Variants in IGFLR1 observed in about 807,000 individuals in gnomAD.
IGFLR1 encodes IGF-like family receptor 1.
IGFLR1 carries 17 observed loss-of-function variants against 23.4 expected under a neutral mutation model. That is an observed-to-expected ratio of 0.73 (90% CI 0.50 to 1.09). IGFLR1 has a LOEUF of 1.09. IGFLR1 is among the 50% of genes least tolerant of loss of function. IGFLR1 has a pLI of 0.00. For synonymous variants in IGFLR1, 265 were observed against 210.7 expected (o/e 1.26, Z -2.23); for missense variants, 556 against 459.2 (o/e 1.21, Z -1.93).
Position 35,742,417 on chromosome 19 carries a change from G to A in IGFLR1, c.-65C>T. 2.0e-6 allele frequency: 3 copies of A among 1,533,908 alleles called. No individual in the cohort carries two copies. Among genetic ancestry groups the A allele is most frequent in the African/African-American group, 1.4e-5 (1 of 73,148 alleles). The stretch of plus-strand genomic sequence containing the variant: ...GTACCGTTAGGGTCCTGGGTCCCAA[G>A]CTGGCCGTGCCAAGTTCCTCAGCTG... On this transcript the variant is annotated 5_prime_UTR_variant, in exon 1 of 5. Transcript: ENST00000246532.
At position 35,739,496 on chromosome 19, in the gene IGFLR1, G is replaced by T. The variant is rs766359788; in HGVS notation, c.852C>A (p.His284Gln). 8.7e-6 allele frequency: 14 copies of T among 1,614,012 alleles called. No homozygotes were observed. Among genetic ancestry groups the T allele is most frequent in the Non-Finnish European group, 8.5e-6 (10 of 1,180,010 alleles). ...GGGMAHGTTR[H>Q]LAARYGLPAA... The stretch of plus-strand genomic sequence containing the variant: ...CAGGCAGCCCATATCTTGCGGCCAG[G>T]TGTCGAGTAGTGCCATGGGCCATAC... Residue 284 changes from histidine to glutamine, a missense_variant, in exon 5 of 5, where the codon CAC becomes CAA. His to Gln is a conservative substitution (Grantham distance 24). Transcript: ENST00000246532.
At position 35,741,137 on chromosome 19, in the gene IGFLR1, G is replaced by A. The variant is rs201887336; in HGVS notation, c.44C>T (p.Ala15Val). The A allele has an allele frequency of 1.1e-5, 17 of 1,602,384 alleles. No homozygotes were observed. The East Asian group carries it at 3.8e-4, about 36-fold the overall frequency. ...RCLLTALLLL[A>V]LAPPPEASQY... ...GGAGGCTTCCGGCGGTGGCGCCAGGGCCAGAAGCAACAAGGCCGTCAGGAG... is the reference window on the plus strand; with the variant it reads ...GGAGGCTTCCGGCGGTGGCGCCAGGACCAGAAGCAACAAGGCCGTCAGGAG... The change falls in exon 2 of 5, where the codon GCC (alanine) becomes GTC (valine). Residue 15 changes from alanine to valine, a missense_variant. Physicochemically the swap from Ala to Val is moderately conservative, Grantham distance 64. Coordinates refer to ENST00000246532, the MANE Select transcript of IGFLR1 (RefSeq NM_024660.4).
At chr19:35,740,612 G>A (rs749974470) in intron 2 of IGFLR1, 48 bp from the exon 3 acceptor site, 2 of 1,534,676 alleles carry the variant, frequency 1.3e-6, no homozygotes, top group Non-Finnish European at 1.8e-6. Context: ...CCGCCCCTGC[G>A]CGGGCAACGC....
Position 35,739,611 on chromosome 19 carries a change from G to A in IGFLR1, c.737C>T (p.Ala246Val), listed in dbSNP as rs927905155. 6.2e-7 allele frequency: 1 copy of A among 1,612,836 alleles called. No homozygotes were observed. Among genetic ancestry groups the A allele is most frequent in the Middle Eastern group, 1.7e-4 (1 of 6,060 alleles). ...CAGGAGGCGAGACAGGGGTTGTGAC[G>A]CCAGACTGGACAGTTCTGGAAGAAA... ...PLLSRELSSL[A>V]SQPLSRLLDE... The change falls in exon 5 of 5, where the codon GCG (alanine) becomes GTG (valine). Residue 246 changes from alanine (A) to valine (V), a missense_variant. Transcript: ENST00000246532.
chr19:35,740,919 C>A (rs538459686), intron 2 of IGFLR1, 105 bp downstream of exon 2: 157 of 1,095,830 alleles, frequency 1.4e-4, no homozygotes, highest in South Asian at 5.4e-4. Context: ...ACCGCTTAGA[C>A]CCCTAAGCAA....
Position 35,739,848 on chromosome 19 carries a change from C to T in IGFLR1, c.583G>A (p.Asp195Asn), listed in dbSNP as rs775160076. 3.1e-6 allele frequency: 5 copies of T among 1,612,322 alleles called. No individual in the cohort carries two copies. Among genetic ancestry groups the T allele is most frequent in the Non-Finnish European group, 4.2e-6 (5 of 1,178,654 alleles). Residue 195 changes from aspartate (D) to asparagine (N), a missense_variant, in exon 4 of 5, where the codon GAC becomes AAC. Coordinates refer to ENST00000246532, the MANE Select transcript of IGFLR1 (RefSeq NM_024660.4). Reference sequence around the variant, plus strand: ...ACCAAGCCAGGATAGGGATAGGGGTCGGCTTTCTCCTTGGGCCAGCAGAGA... The same window carrying T: ...ACCAAGCCAGGATAGGGATAGGGGTTGGCTTTCTCCTTGGGCCAGCAGAGA... ...WHLCWPKEKA[D>N]PYPYPGLVCG...
chr19:35,739,135 T>G lies in IGFLR1; in HGVS notation c.*145A>C. On this transcript the variant is annotated 3_prime_UTR_variant, in exon 5 of 5. Transcript: ENST00000246532. ...GTCAGCCCTCCCACATGTGGCCCTG[T>G]GTGTATGTTGGAATAGGCCCTTCTA... 7 of 789,136 alleles carry G rather than the reference T, an allele frequency of 8.9e-6. No homozygotes were observed. Among genetic ancestry groups the G allele is most frequent in the Non-Finnish European group, 1.4e-5 (7 of 505,978 alleles). The allele number at this position is 789,136 out of a possible 1,614,324, so 48.9% of individuals were successfully genotyped here.
Position 35,740,564 on chromosome 19 carries a change from TC to T in IGFLR1, c.158-1del, listed in dbSNP as rs762153108. On this transcript the variant is annotated splice_acceptor_variant, in intron 2 of 4. Transcript: ENST00000246532. LOFTEE classifies it high-confidence loss of function. Reference sequence around the variant, plus strand: ...TCCGCAGTTTTCCCGGAACTCATAGTCTAGCGGGAAAGCTGCGCTCCAGTGC... The same window carrying T: ...TCCGCAGTTTTCCCGGAACTCATAGTTAGCGGGAAAGCTGCGCTCCAGTGC... The T allele has an allele frequency of 6.2e-7, 1 of 1,601,488 alleles. No homozygotes were observed. The highest frequency in any genetic ancestry group is 8.5e-7 in the Non-Finnish European group (1 of 1,173,486).
At position 35,738,933 on chromosome 19, in the gene IGFLR1, ACACC is replaced by A. The variant is rs1241062266; in HGVS notation, c.*343_*346del. ...GGGCAGGTAGGAACCCCACTTCTAC[ACACC>A]CACCCATCATGACCCAAGGAAGTTC... On this transcript the variant is annotated 3_prime_UTR_variant, in exon 5 of 5. Transcript: ENST00000246532. The surrounding 1 kb of genome is among the most constrained non-coding windows in gnomAD (Gnocchi z 8.7). The A allele has an allele frequency of 2.9e-5, 13 of 449,490 alleles. No individual in the cohort carries two copies. Among genetic ancestry groups the A allele is most frequent in the Non-Finnish European group, 4.8e-5 (12 of 251,608 alleles). 27.8% of individuals were successfully genotyped at this position (449,490 alleles called of 1,614,324 possible).
At position 35,740,009 on chromosome 19, in the gene IGFLR1, G is replaced by T. The variant is rs1207992743; in HGVS notation, c.422C>A (p.Pro141Gln). 2.5e-6 allele frequency: 4 copies of T among 1,613,964 alleles called. No homozygotes were observed. The Admixed American group carries it at 6.7e-5, about 27-fold the overall frequency. Reference sequence around the variant, plus strand: ...GGTCCTCCAGGCAATGGAACTTGCTGGTGAGCTGCGCTCCTGGGAGCTAGG... The same window carrying T: ...GGTCCTCCAGGCAATGGAACTTGCTTGTGAGCTGCGCTCCTGGGAGCTAGG... Reference protein sequence around the residue: ...GAPSSQERSSPASSIAWRTPE... With the variant: ...GAPSSQERSSQASSIAWRTPE... The change falls in exon 4 of 5, where the codon CCA becomes CAA. Residue 141 changes from proline to glutamine, a missense_variant. Pro to Gln is a moderately conservative substitution (Grantham distance 76). Coordinates refer to ENST00000246532, the MANE Select transcript of IGFLR1 (RefSeq NM_024660.4).
At chr19:35,742,214 G>A (rs187112499) in intron 1 of IGFLR1, among the ~76,000 whole-genome samples, 182 bp downstream of exon 1, 71 of 151,766 alleles carry the variant, frequency 4.7e-4, no homozygotes, top group Non-Finnish European at 7.4e-4. Context: ...CGGCAGGCAC[G>A]GAGGAGTCAG....
At position 35,742,415 on chromosome 19, in the gene IGFLR1, A is replaced by G. The variant is rs903220520; in HGVS notation, c.-63T>C. ...CAGTACCGTTAGGGTCCTGGGTCCC[A>G]AGCTGGCCGTGCCAAGTTCCTCAGC... On this transcript the variant is annotated 5_prime_UTR_variant, in exon 1 of 5. Transcript: ENST00000246532. The G allele has an allele frequency of 7.8e-6, 12 of 1,533,722 alleles. No homozygotes were observed. The highest frequency in any genetic ancestry group is 1.0e-5 in the Non-Finnish European group (12 of 1,145,690).
In IGFLR1 at chr19:35,742,423, C is replaced by A. The variant is rs745506043; in HGVS notation, c.-71G>T. On this transcript the variant is annotated 5_prime_UTR_variant, in exon 1 of 5. Transcript: ENST00000246532. ...TTAGGGTCCTGGGTCCCAAGCTGGC[C>A]GTGCCAAGTTCCTCAGCTGAAGTTG... is the stretch of plus-strand genomic sequence containing the variant. 2.0e-6 allele frequency: 3 copies of A among 1,534,806 alleles called. No individual in the cohort carries two copies. In the South Asian group the frequency reaches 3.6e-5, roughly 18 times the overall value.
At position 35,739,178 on chromosome 19, in the gene IGFLR1, G is replaced by A. The variant is rs954440166; in HGVS notation, c.*102C>T. The A allele has an allele frequency of 7.2e-6, 8 of 1,105,492 alleles. No individual in the cohort carries two copies. Among genetic ancestry groups the A allele is most frequent in the Non-Finnish European group, 1.0e-5 (8 of 782,922 alleles). 68.5% of individuals were successfully genotyped at this position (1,105,492 alleles called of 1,614,324 possible). On this transcript the variant is annotated 3_prime_UTR_variant, in exon 5 of 5. Coordinates refer to ENST00000246532, the MANE Select transcript of IGFLR1 (RefSeq NM_024660.4). ...CCCTTCTAGGGCGAAGAGCAGTGAG[G>A]CTATCTGTTGGGTCTTTGCCCAATT...
chr19:35,741,177 C>G lies in IGFLR1; in HGVS notation c.4G>C (p.Gly2Arg), dbSNP rs1300893767. The G allele has an allele frequency of 1.8e-5, 29 of 1,610,274 alleles. No homozygotes were observed. The highest frequency in any genetic ancestry group is 2.5e-5 in the Non-Finnish European group (29 of 1,178,606). Residue 2 changes from glycine to arginine, a missense_variant, in exon 2 of 5, where the codon GGG becomes CGG. Transcript: ENST00000246532. ...GCCGTCAGGAGGCATCGTCCAGGCCCCATCTGGGGGGCCGTGATAGCGGGA... is the reference window on the plus strand; with the variant it reads ...GCCGTCAGGAGGCATCGTCCAGGCCGCATCTGGGGGGCCGTGATAGCGGGA... Reference protein sequence around the residue: MGPGRCLLTALL... With the variant: MRPGRCLLTALL...
In IGFLR1 at chr19:35,739,888, A is replaced by G. The variant is rs1263919013; in HGVS notation, c.543T>C (p.Phe181=). The change falls in exon 4 of 5, where the codon TTT becomes TTC. Residue 181 remains phenylalanine (F), a synonymous_variant. Transcript: ENST00000246532. ...GCCAGCAGAGATGCCAGAGCAGAAT[A>G]AACAGGAGGATCGCTATCACCGCCA... is the stretch of plus-strand genomic sequence containing the variant. ...LTLAVIAILL[F]ILLWHLCWPK... 5 of 1,614,010 alleles carry G rather than the reference A, an allele frequency of 3.1e-6. No individual in the cohort carries two copies. Among genetic ancestry groups the G allele is most frequent in the Non-Finnish European group, 4.2e-6 (5 of 1,180,004 alleles).
chr19:35,740,337 C>G, intron 3 of IGFLR1, 43 bp downstream of exon 3: 1 of 1,510,574 alleles, frequency 6.6e-7, no homozygotes, highest in Non-Finnish European at 8.8e-7. Flanking sequence ...CTAGGCCCCC[C>G]ACCTCCAGCA....
chr19:35,739,468 C>A lies in IGFLR1; in HGVS notation c.880G>T (p.Ala294Ser), dbSNP rs772805089. Reference protein sequence around the residue: ...HLAARYGLPAAWSTFAYSLRP... With the variant: ...HLAARYGLPASWSTFAYSLRP... The stretch of plus-strand genomic sequence containing the variant: ...AGCGAATAGGCAAAGGTGGACCAGG[C>A]AGCAGGCAGCCCATATCTTGCGGCC... Residue 294 changes from alanine (A) to serine (S), a missense_variant, in exon 5 of 5, where the codon GCC becomes TCC. Ala to Ser is a moderately conservative substitution (Grantham distance 99, BLOSUM62 1). Transcript: ENST00000246532. 1 of 1,613,948 alleles carries A rather than the reference C, an allele frequency of 6.2e-7. No homozygotes were observed. The highest frequency in any genetic ancestry group is 8.5e-7 in the Non-Finnish European group (1 of 1,179,980).
At position 35,740,475 on chromosome 19, in the gene IGFLR1, GGTT is replaced by G. The variant is rs1970149701; in HGVS notation, c.244_246del (p.Asn82del). 1 of 1,613,052 alleles carries G rather than the reference GGTT, an allele frequency of 6.2e-7. No individual in the cohort carries two copies. Among genetic ancestry groups the G allele is most frequent in the South Asian group, 1.1e-5 (1 of 91,084 alleles). Reference sequence around the variant, plus strand: ...GGGCTACATAGCTCCGCGCCGTCGGGGTTGCACTGCCCAGAAGAACACTTTCGG... The same window carrying G: ...GGGCTACATAGCTCCGCGCCGTCGGGGCACTGCCCAGAAGAACACTTTCGG... On this transcript the variant is annotated inframe_deletion, in exon 3 of 5. Coordinates refer to ENST00000246532, the MANE Select transcript of IGFLR1 (RefSeq NM_024660.4).
Sources: gnomAD v4.1 joint callset for allele counts (sites outside exome capture counted in the v4.1 genomes callset) on GRCh38, gnomAD v4.1.1 for gene constraint, Gnocchi (gnomAD v3.1) non-coding constraint, MANE v1.5 for transcripts, NCBI Gene and HGNC (gene_info 2026-07-23, HGNC 2026-07-21) for gene names.